Variants in NFIA observed in about 807,000 individuals in gnomAD.
NFIA encodes the protein nuclear factor 1 A-type.
Under a neutral mutation model 62.8 loss-of-function variants are expected in NFIA, and 8 were observed. The ratio of observed to expected loss-of-function variants is 0.13; its 90% CI spans 0.07 to 0.23. The LOEUF is 0.23. Among genes scored for constraint, NFIA ranks in the 10% least tolerant of loss-of-function variants. The pLI, the probability that NFIA is intolerant of heterozygous loss-of-function variation, is 1.00. For missense variants in NFIA, 410 were observed against 642.1 expected (o/e 0.64, Z 3.91); for synonymous variants, 235 against 238.1 (o/e 0.99, Z 0.12).
At position 61,116,688 on chromosome 1, in the gene NFIA, CTGTT is replaced by C. The variant is rs368156086; in HGVS notation, c.559+28014_559+28017del. On this transcript the variant is annotated intron_variant, in intron 2 of 10. Coordinates refer to ENST00000403491, the MANE Select transcript of NFIA (RefSeq NM_001134673.4). ...TCAACGATGACTGCAGTGGGTGAGG[CTGTT>C]TGTTTATCACATCACTTGAGAACAG... 1.5e-3 allele frequency among the ~76,000 whole-genome samples: 229 copies of C among 152,272 alleles called. 3 individuals are homozygous for C. Among genetic ancestry groups the C allele is most frequent in the South Asian group, 8.1e-3 (39 of 4,806 alleles).
intron 2 of NFIA, among the ~76,000 whole-genome samples, chr1:61,163,997 A>G (rs1649396793): frequency 6.6e-6 from 1 of 152,230 alleles, no homozygotes; most frequent in African/African-American, 2.4e-5. Context: ...AGATTTTTAC[A>G]TGAATCATAG....
At chr1:61,147,115 G>A (rs1246049502) in intron 2 of NFIA, among the ~76,000 whole-genome samples, 4 of 151,998 alleles carry the variant, frequency 2.6e-5, no homozygotes, top group Non-Finnish European at 4.4e-5. Context: ...TGCATAGTTG[G>A]AAGTGATGGA....
intron 9 of NFIA, among the ~76,000 whole-genome samples, chr1:61,416,248 ATTTC>A (rs939030776): frequency 1.3e-5 from 2 of 152,126 alleles, no homozygotes; most frequent in African/African-American, 4.8e-5. Flanking sequence ...AAATATTATG[ATTTC>A]TTTATTCTTA....
chr1:61,200,010 GTATATATATA>G (rs60422302), intron 2 of NFIA, among the ~76,000 whole-genome samples: 1,195 of 52,514 alleles, frequency 0.023, 21 homozygotes, highest in Non-Finnish European at 0.03. Context: ...ATATATATAT[GTATATATATA>G]TATATATATA....
At chr1:61,216,354 C>T (rs1653623605) in intron 2 of NFIA, among the ~76,000 whole-genome samples, 2 of 151,342 alleles carry the variant, frequency 1.3e-5, no homozygotes, top group Non-Finnish European at 2.9e-5. Flanking sequence ...TCGCCACAAA[C>T]CCCTAAATTA....
chr1:61,387,560 C>T (rs543182019), intron 7 of NFIA, among the ~76,000 whole-genome samples: 231 of 148,310 alleles, frequency 1.6e-3, no homozygotes, highest in Admixed American at 3.7e-3. Flanking sequence ...TTGCCATCAT[C>T]TCACACTGCT....
chr1:61,284,130 C>T (rs1032920249), intron 3 of NFIA, among the ~76,000 whole-genome samples: 22 of 152,112 alleles, frequency 1.4e-4, no homozygotes, highest in African/African-American at 5.1e-4. Context: ...AGAGTGACCA[C>T]CAAAATAGCA....
intron 9 of NFIA, among the ~76,000 whole-genome samples, chr1:61,408,991 G>T (rs1569799958): frequency 6.6e-6 from 1 of 152,208 alleles, no homozygotes; most frequent in East Asian, 1.9e-4. Context: ...CACAGTTCTA[G>T]ACTCCACTCC....
chr1:61,314,324 C>CTAA (rs1288704755), intron 3 of NFIA, among the ~76,000 whole-genome samples: 1 of 152,120 alleles, frequency 6.6e-6, no homozygotes, highest in Non-Finnish European at 1.5e-5. Flanking sequence ...ACCTGAAGGT[C>CTAA]AAAGAGGTAC....
At chr1:61,167,138 C>T (rs1649629821) in intron 2 of NFIA, among the ~76,000 whole-genome samples, 1 of 151,992 alleles carries the variant, frequency 6.6e-6, no homozygotes, top group African/African-American at 2.4e-5. Context: ...GAGACTCTGT[C>T]TAAACAAAAA....
At chr1:61,174,180 G>A (rs1650167543) in intron 2 of NFIA, among the ~76,000 whole-genome samples, 1 of 152,182 alleles carries the variant, frequency 6.6e-6, no homozygotes, top group African/African-American at 2.4e-5. Context: ...AGGGCATTAT[G>A]CAGATGGAGA....
intron 2 of NFIA, among the ~76,000 whole-genome samples, chr1:61,130,502 A>G (rs543158414): frequency 2.2e-4 from 34 of 152,358 alleles, no homozygotes; most frequent in African/African-American, 7.5e-4. Flanking sequence ...CGATGGAATT[A>G]AGCTCTGGAC....
intron 1 of NFIA, among the ~76,000 whole-genome samples, chr1:61,085,826 T>C (rs2100410081): frequency 6.6e-6 from 1 of 152,318 alleles, no homozygotes; most frequent in East Asian, 1.9e-4. Context: ...TTATTCTTAA[T>C]GACTAATTGA....
intron 2 of NFIA, among the ~76,000 whole-genome samples, chr1:61,258,887 C>G (rs917756728): frequency 4.6e-5 from 7 of 151,980 alleles, no homozygotes; most frequent in Non-Finnish European, 1.0e-4. Context: ...ATCACCACAC[C>G]CAGCTAATTT....
At chr1:61,192,703 CAAAAAAAAAAA>C (rs957551012) in intron 2 of NFIA, among the ~76,000 whole-genome samples, 1 of 135,856 alleles carries the variant, frequency 7.4e-6, no homozygotes, top group Admixed American at 7.5e-5. Context: ...ACTCTTGTCT[CAAAAAAAAAAA>C]GAAAAAAAAA....
intron 2 of NFIA, among the ~76,000 whole-genome samples, chr1:61,271,849 TG>T (rs1657527400): frequency 1.3e-5 from 2 of 152,248 alleles, no homozygotes; most frequent in South Asian, 4.1e-4. Flanking sequence ...GATGAAATTT[TG>T]TATTTAAAAT....
chr1:61,284,895 C>T (rs1374436527), intron 3 of NFIA, among the ~76,000 whole-genome samples: 1 of 146,978 alleles, frequency 6.8e-6, no homozygotes, highest in African/African-American at 2.4e-5. Context: ...ACTCTTATCC[C>T]AGGAGAGACC....
At chr1:61,233,291 T>C (rs563651086) in intron 2 of NFIA, among the ~76,000 whole-genome samples, 1 of 152,328 alleles carries the variant, frequency 6.6e-6, no homozygotes, top group African/African-American at 2.4e-5. Context: ...TCCCAAGCCT[T>C]AAATGCAGAG....
chr1:61,224,764 A>G (rs1259262006), intron 2 of NFIA, among the ~76,000 whole-genome samples: 2 of 152,184 alleles, frequency 1.3e-5, no homozygotes, highest in African/African-American at 2.4e-5. Flanking sequence ...AAGTACTTCA[A>G]ACTGTGTCCT....
Sources: gnomAD v4.1 joint callset for allele counts (sites outside exome capture counted in the v4.1 genomes callset) on GRCh38, gnomAD v4.1.1 for gene constraint, MANE v1.5 for transcripts, NCBI Gene and HGNC (gene_info 2026-07-23, HGNC 2026-07-21) for gene names.